FYN: variants seen among roughly 807,000 people sequenced by gnomAD.
FYN encodes the protein tyrosine-protein kinase Fyn.
Under a neutral mutation model 70.2 loss-of-function variants are expected in FYN, and 10 were observed. That is an observed-to-expected ratio of 0.14 (90% confidence interval 0.09 to 0.24). The LOEUF (loss-of-function observed/expected upper bound fraction) is 0.24, where lower values mean the gene tolerates loss of function less well. FYN is among the 10% of genes least tolerant of loss of function. The pLI is 1.00. For missense variants in FYN, 319 were observed against 673.1 expected (o/e 0.47, Z 5.82); for synonymous variants, 236 against 248.6 (o/e 0.95, Z 0.48).
chr6:111,752,640 G>A (rs1187334310), intron 3 of FYN, among the ~76,000 whole-genome samples: 3 of 152,222 alleles, frequency 2.0e-5, no homozygotes, highest in Non-Finnish European at 2.9e-5. Flanking sequence ...GTGGAATAGG[G>A]TCTGAGTGGG....
chr6:111,671,729 C>T (rs1798280644), intron 13 of FYN, among the ~76,000 whole-genome samples: 1 of 152,118 alleles, frequency 6.6e-6, no homozygotes, highest in African/African-American at 2.4e-5. Flanking sequence ...ACTTGCCACA[C>T]CAACAAATAG....
At chr6:111,849,846 C>G (rs1323478928) in intron 1 of FYN, among the ~76,000 whole-genome samples, 1 of 152,208 alleles carries the variant, frequency 6.6e-6, no homozygotes, top group African/African-American at 2.4e-5. Context: ...TTTTCCTTTG[C>G]CCACACCCCC....
chr6:111,742,902 A>G (rs1442955943), intron 3 of FYN, among the ~76,000 whole-genome samples: 7 of 152,180 alleles, frequency 4.6e-5, no homozygotes, highest in Non-Finnish European at 1.0e-4. Context: ...CGTTTTGGTC[A>G]CACACGACCA....
At chr6:111,709,851 G>T (rs1800284169) in intron 5 of FYN, among the ~76,000 whole-genome samples, 1 of 152,120 alleles carries the variant, frequency 6.6e-6, no homozygotes, top group Non-Finnish European at 1.5e-5. Context: ...TCTCTTTGAG[G>T]TTCAAATCAT....
At chr6:111,857,815 C>A (rs1271819027) in intron 1 of FYN, among the ~76,000 whole-genome samples, 1 of 149,772 alleles carries the variant, frequency 6.7e-6, no homozygotes, top group Non-Finnish European at 1.5e-5. Flanking sequence ...GTGTCCCTTT[C>A]GTTCTCCTTC....
chr6:111,822,410 T>C (rs1468221212), intron 2 of FYN, among the ~76,000 whole-genome samples: 1 of 151,624 alleles, frequency 6.6e-6, no homozygotes, highest in Non-Finnish European at 1.5e-5. Flanking sequence ...TGTTCTCACT[T>C]ATAGGTGGGA....
intron 3 of FYN, among the ~76,000 whole-genome samples, chr6:111,763,281 C>A (rs2128494893): frequency 6.6e-6 from 1 of 152,316 alleles, no homozygotes; most frequent in South Asian, 2.1e-4. Flanking sequence ...CCCAGCCACC[C>A]TGGGTACCTG....
At chr6:111,747,659 T>C (rs187198054) in intron 3 of FYN, among the ~76,000 whole-genome samples, 8 of 152,332 alleles carry the variant, frequency 5.3e-5, no homozygotes, top group African/African-American at 1.9e-4. Flanking sequence ...TTTGCATGGC[T>C]ATGCTAAAGA....
At chr6:111,818,074 A>G (rs1267124052) in intron 2 of FYN, among the ~76,000 whole-genome samples, 2 of 152,240 alleles carry the variant, frequency 1.3e-5, no homozygotes, top group Non-Finnish European at 2.9e-5. Context: ...GATGCCATTT[A>G]TGTGAATTCC....
chr6:111,813,369 T>A (rs965933375), intron 2 of FYN, among the ~76,000 whole-genome samples: 10 of 151,862 alleles, frequency 6.6e-5, no homozygotes, highest in African/African-American at 2.4e-4. Flanking sequence ...ACAGCATGAG[T>A]AAATGACTCA....
At chr6:111,782,876 G>A (rs753563167) in intron 2 of FYN, among the ~76,000 whole-genome samples, 3 of 152,192 alleles carry the variant, frequency 2.0e-5, no homozygotes, top group South Asian at 2.1e-4. Flanking sequence ...GATGTGAACC[G>A]GTGGTTCTGA....
At chr6:111,857,555 TA>T (rs1217662268) in intron 1 of FYN, among the ~76,000 whole-genome samples, 1 of 152,256 alleles carries the variant, frequency 6.6e-6, no homozygotes, top group East Asian at 1.9e-4. Context: ...TAAAAAAGTT[TA>T]AGCAGTTAAA....
chr6:111,864,631 A>G (rs961850351), intron 1 of FYN, among the ~76,000 whole-genome samples: 10 of 152,066 alleles, frequency 6.6e-5, no homozygotes, highest in African/African-American at 2.4e-4. Flanking sequence ...GCTTCTCAAG[A>G]GGCAGTAGGT....
intron 3 of FYN, among the ~76,000 whole-genome samples, chr6:111,721,684 C>G (rs578111185): frequency 6.6e-6 from 1 of 152,114 alleles, no homozygotes. Flanking sequence ...GCATTACAGG[C>G]GTGAACCACC....
At chr6:111,856,517 A>G (rs1039755631) in intron 1 of FYN, among the ~76,000 whole-genome samples, 1 of 152,194 alleles carries the variant, frequency 6.6e-6, no homozygotes, top group South Asian at 2.1e-4. Flanking sequence ...TAAAACTCAG[A>G]TAATATAAGA....
intron 13 of FYN, among the ~76,000 whole-genome samples, chr6:111,664,994 A>G (rs1182275778): frequency 1.3e-5 from 2 of 152,204 alleles, no homozygotes; most frequent in African/African-American, 4.8e-5. Flanking sequence ...CTCTGCAACA[A>G]TAACGGTGGC....
At chr6:111,773,514 C>T (rs1490913565) in intron 3 of FYN, among the ~76,000 whole-genome samples, 2 of 32,636 alleles carry the variant, frequency 6.1e-5, no homozygotes, top group African/African-American at 2.7e-4. Flanking sequence ...GGAGGGAGAG[C>T]GGGTGAGAGA....
intron 12 of FYN, among the ~76,000 whole-genome samples, chr6:111,682,869 G>A (rs568595102): frequency 2.7e-4 from 41 of 152,324 alleles, no homozygotes; most frequent in South Asian, 1.2e-3. Flanking sequence ...TCAGCACAGC[G>A]TCTGGTACCT....
At chr6:111,816,575 T>C (rs534576347) in intron 2 of FYN, among the ~76,000 whole-genome samples, 1 of 152,310 alleles carries the variant, frequency 6.6e-6, no homozygotes, top group African/African-American at 2.4e-5. Context: ...AAAACTCCCA[T>C]TCCAAGCACA....
Sources: allele counts gnomAD v4.1 joint callset (sites outside exome capture counted in the v4.1 genomes callset), GRCh38; gene constraint gnomAD v4.1.1; transcripts MANE v1.5; gene names NCBI Gene and HGNC (gene_info 2026-07-23, HGNC 2026-07-21).